Variants in RANBP3 observed in about 807,000 individuals in gnomAD.
RANBP3 encodes the protein RAN binding protein 3.
A neutral mutation model predicts 77.3 loss-of-function variants in RANBP3; 14 were observed. The ratio of observed to expected loss-of-function variants is 0.18; its 90% CI spans 0.12 to 0.28. RANBP3 has a LOEUF of 0.28. Ranked by LOEUF, RANBP3 falls within the 10% of genes least tolerant of loss-of-function variation. The pLI is 1.00. For missense variants in RANBP3, 586 were observed against 752.3 expected (o/e 0.78, Z 2.59); for synonymous variants, 315 against 312.4 (o/e 1.01, Z -0.09).
chr19:5,929,731 G>A (rs1441341974), intron 8 of RANBP3, among the ~76,000 whole-genome samples: 1 of 152,180 alleles, frequency 6.6e-6, no homozygotes, highest in African/African-American at 2.4e-5. Flanking sequence ...CATGTTCATG[G>A]GCGGCTTGGA....
At chr19:5,962,608 C>T in intron 1 of RANBP3, 1 of 454,046 alleles carries the variant, frequency 2.2e-6, no homozygotes, top group South Asian at 1.6e-5. Context: ...ATGAACTTGG[C>T]CCATCTCGGC....
At chr19:5,935,853 C>T (rs891842630) in intron 5 of RANBP3, 22 of 455,974 alleles carry the variant, frequency 4.8e-5, no homozygotes, top group Non-Finnish European at 7.5e-5. Flanking sequence ...CAACACAGGT[C>T]GCAACACAAG....
intron 5 of RANBP3, 69 bp downstream of exon 5, chr19:5,941,552 G>C: frequency 7.5e-7 from 1 of 1,342,002 alleles, no homozygotes; most frequent in Admixed American, 1.8e-5. Context: ...ACGGATGCGC[G>C]GCACTGAGGG....
chr19:5,936,003 C>G (rs562162694), intron 5 of RANBP3, among the ~76,000 whole-genome samples: 1 of 152,328 alleles, frequency 6.6e-6, no homozygotes, highest in South Asian at 2.1e-4. Context: ...CCTTTGCCCT[C>G]CTGGGAAGCT....
intron 10 of RANBP3, chr19:5,925,143 C>T (rs1422097468): frequency 3.6e-6 from 2 of 553,220 alleles, no homozygotes; most frequent in Non-Finnish European, 6.5e-6. Context: ...CCACCTTCCA[C>T]CTGCTCTACC....
intron 1 of RANBP3, among the ~76,000 whole-genome samples, chr19:5,970,982 C>T (rs1011509421): frequency 6.6e-6 from 1 of 152,100 alleles, no homozygotes; most frequent in African/African-American, 2.4e-5. Context: ...AGAATTCTCC[C>T]GATGTTGGCA....
At chr19:5,961,458 C>A (rs1284622476) in intron 1 of RANBP3, among the ~76,000 whole-genome samples, 1 of 151,702 alleles carries the variant, frequency 6.6e-6, no homozygotes, top group Non-Finnish European at 1.5e-5. Context: ...GTCGGCCGGG[C>A]ACAGTGGCTC....
chr19:5,920,400 A>G (rs1054152593), intron 14 of RANBP3, among the ~76,000 whole-genome samples: 1 of 152,124 alleles, frequency 6.6e-6, no homozygotes, highest in Non-Finnish European at 1.5e-5. Context: ...GAAAAAAAAG[A>G]CACGCCCACA....
At chr19:5,933,817 T>C (rs2058028879) in intron 5 of RANBP3, 1 of 208,998 alleles carries the variant, frequency 4.8e-6, no homozygotes, top group Non-Finnish European at 9.6e-6. Context: ...CTCTGGAGAA[T>C]GTCAGGGAGC....
intron 3 of RANBP3, 76 bp downstream of exon 3, chr19:5,951,317 G>A: frequency 1.5e-6 from 2 of 1,338,438 alleles, no homozygotes; most frequent in Non-Finnish European, 1.0e-6. Flanking sequence ...AGGATCTGAG[G>A]GACCCGAAGG....
chr19:5,942,014 T>C (rs1599754325), intron 3 of RANBP3, among the ~76,000 whole-genome samples, 179 bp from the exon 4 acceptor site: 1 of 152,296 alleles, frequency 6.6e-6, no homozygotes, highest in Non-Finnish European at 1.5e-5. Context: ...GATGAACCTC[T>C]GCACCCAGCT....
intron 1 of RANBP3, among the ~76,000 whole-genome samples, chr19:5,966,654 T>C (rs1568480898): frequency 6.6e-6 from 1 of 152,258 alleles, no homozygotes; most frequent in Non-Finnish European, 1.5e-5. Context: ...CAGCCTGTCA[T>C]GGAGGATCTC....
At chr19:5,961,952 GT>G (rs1015537375) in intron 1 of RANBP3, among the ~76,000 whole-genome samples, 27 of 151,616 alleles carry the variant, frequency 1.8e-4, no homozygotes, top group Non-Finnish European at 2.9e-5. Context: ...GGTTCCCCTT[GT>G]TTTCCATGGC....
intron 5 of RANBP3, among the ~76,000 whole-genome samples, chr19:5,936,960 G>T (rs1185525098): frequency 6.9e-6 from 1 of 145,560 alleles, no homozygotes; most frequent in African/African-American, 2.5e-5. Flanking sequence ...AGAGGCTGAG[G>T]CTTGAGAATC....
rs765486128 is a variant in RANBP3, at chr19:5,932,416, C to T, written c.565+36G>A. 5 of 1,583,036 alleles carry T rather than the reference C, an allele frequency of 3.2e-6. No homozygotes were observed. In the East Asian group the frequency reaches 6.7e-5, roughly 21 times the overall value. On this transcript the variant is annotated intron_variant, in intron 7 of 16. Coordinates refer to ENST00000340578, the MANE Select transcript of RANBP3 (RefSeq NM_007322.3). ...CGACTTCGGGAACGCTCTACCCTGC[C>T]GTCTGGGCCTGGGCGCCAGGGCTGC...
rs938009295 is a variant in RANBP3 at position 5,952,396 on chromosome 19, T to C, written c.79-800A>G. 1.3e-5 allele frequency among the ~76,000 whole-genome samples: 2 copies of C among 152,120 alleles called. No homozygotes were observed. Among genetic ancestry groups the C allele is most frequent in the Non-Finnish European group, 2.9e-5 (2 of 68,016 alleles). On this transcript the variant is annotated intron_variant, in intron 2 of 16. Coordinates refer to ENST00000340578, the MANE Select transcript of RANBP3 (RefSeq NM_007322.3). The surrounding 1 kb of genome is among the most constrained non-coding windows in gnomAD (Gnocchi z 4.1). ...GTTCCAGAAGTCTTCCTCCCCACAGTACAACACCCAGCATCCTTTAAGGTG... is the reference window on the plus strand; with the variant it reads ...GTTCCAGAAGTCTTCCTCCCCACAGCACAACACCCAGCATCCTTTAAGGTG...
In RANBP3 at chr19:5,958,774, C is replaced by T. The variant is rs1397600256; in HGVS notation, c.23-801G>A. 3.3e-5 allele frequency among the ~76,000 whole-genome samples: 5 copies of T among 152,262 alleles called. No individual in the cohort carries two copies. The highest frequency in any genetic ancestry group is 6.5e-5 in the Admixed American group (1 of 15,286). ...ACCACACCTGCCTCATGGCCTTGGG[C>T]CTGCATGCACTTTGATGAACTCTGG... On this transcript the variant is annotated intron_variant, in intron 1 of 16. Transcript: ENST00000340578. This position sits in a 1 kb window ranked among gnomAD's most constrained non-coding sequence, Gnocchi z 4.4.
intron 1 of RANBP3, among the ~76,000 whole-genome samples, chr19:5,970,945 T>C (rs377146424): frequency 3.9e-5 from 6 of 152,280 alleles, no homozygotes; most frequent in East Asian, 1.9e-4. Context: ...AAGTTGCCAA[T>C]GGGAACCTGC....
At chr19:5,968,577 G>A (rs746928108) in intron 1 of RANBP3, among the ~76,000 whole-genome samples, 5 of 152,252 alleles carry the variant, frequency 3.3e-5, no homozygotes, top group Non-Finnish European at 7.3e-5. Flanking sequence ...ACAGCTGCCA[G>A]TGCCCGGCAA....
Sources: gnomAD v4.1 joint callset for allele counts (sites outside exome capture counted in the v4.1 genomes callset) on GRCh38, gnomAD v4.1.1 for gene constraint, Gnocchi (gnomAD v3.1) non-coding constraint, MANE v1.5 for transcripts, NCBI Gene and HGNC (gene_info 2026-07-23, HGNC 2026-07-21) for gene names.